The following STPG2 variants were observed in gnomAD, a reference collection of about 807,000 sequenced individuals.
The protein encoded by STPG2 is sperm tail PG-rich repeat containing 2.
Under a neutral mutation model 54.2 loss-of-function variants are expected in STPG2, and 56 were observed. The observed-to-expected ratio is 1.03, with a 90% CI of 0.83 to 1.29. The LOEUF (loss-of-function observed/expected upper bound fraction) is 1.29. Among genes scored for constraint, STPG2 ranks in the 50% most tolerant of loss-of-function variants. The pLI, the probability that STPG2 is intolerant of heterozygous loss-of-function variation, is 0.00. For missense variants in STPG2, 596 were observed against 544.9 expected (o/e 1.09, Z -0.93); for synonymous variants, 200 against 181.8 (o/e 1.10, Z -0.81).
chr4:97,818,858 T>C (rs966045898), intron 9 of STPG2, among the ~76,000 whole-genome samples: 1 of 150,856 alleles, frequency 6.6e-6, no homozygotes, highest in South Asian at 2.1e-4. Flanking sequence ...TAATTTTATC[T>C]ATAATATATG....
At chr4:97,467,806 G>A (rs1255383049) in intron 4 of STPG2, among the ~76,000 whole-genome samples, 1 of 150,586 alleles carries the variant, frequency 6.6e-6, no homozygotes, top group African/African-American at 2.4e-5. Flanking sequence ...CATAGTTTGA[G>A]TAAGAATATG....
chr4:97,731,202 A>C (rs1724783146), intron 9 of STPG2, among the ~76,000 whole-genome samples: 1 of 151,986 alleles, frequency 6.6e-6, no homozygotes, highest in African/African-American at 2.4e-5. Flanking sequence ...AATTCCCTTG[A>C]GGGTTTGACT....
chr4:97,607,065 C>A (rs896608887), intron 10 of STPG2, among the ~76,000 whole-genome samples: 3 of 151,838 alleles, frequency 2.0e-5, no homozygotes, highest in Non-Finnish European at 4.4e-5. Context: ...CAGAAAGAAA[C>A]CTTCAATAAA....
chr4:97,455,924 G>T (rs115873612), intron 4 of STPG2, among the ~76,000 whole-genome samples: 1 of 152,176 alleles, frequency 6.6e-6, no homozygotes. Flanking sequence ...GGGCACTGAA[G>T]AAGTGAGCCA....
At chr4:98,130,924 A>AAAAG (rs1739972527) in intron 2 of STPG2, among the ~76,000 whole-genome samples, 1 of 141,732 alleles carries the variant, frequency 7.1e-6, no homozygotes, top group Non-Finnish European at 1.5e-5. Context: ...TCCGTCTCAA[A>AAAAG]AAAAAAAAAA....
intron 5 of STPG2, among the ~76,000 whole-genome samples, chr4:98,018,625 G>C (rs549506648): frequency 9.9e-5 from 15 of 152,108 alleles, no homozygotes; most frequent in Non-Finnish European, 1.6e-4. Context: ...CTAGTTTATA[G>C]TCCCACCAAC....
chr4:97,451,672 G>C (rs1199119407), intron 4 of STPG2, among the ~76,000 whole-genome samples: 1 of 152,074 alleles, frequency 6.6e-6, no homozygotes, highest in Non-Finnish European at 1.5e-5. Context: ...GTGAAAAGGA[G>C]TGATCTATTC....
At chr4:97,612,661 T>C (rs777591837) in intron 10 of STPG2, among the ~76,000 whole-genome samples, 4 of 152,044 alleles carry the variant, frequency 2.6e-5, no homozygotes, top group Admixed American at 2.6e-4. Flanking sequence ...CTGGGGAATA[T>C]AGCCCAGGCG....
At chr4:97,845,407 T>G (rs565957822) in intron 8 of STPG2, among the ~76,000 whole-genome samples, 1 of 152,284 alleles carries the variant, frequency 6.6e-6, no homozygotes, top group South Asian at 2.1e-4. Context: ...TTCGATCTCT[T>G]AAGATAGAAT....
At chr4:98,025,986 CCAGAATGTTG>C (rs1464495893) in intron 5 of STPG2, 14 of 1,151,810 alleles carry the variant, frequency 1.2e-5, no homozygotes, top group South Asian at 6.4e-5. Flanking sequence ...ACATTGTGGG[CCAGAATGTTG>C]CAGAATGTTG....
At position 97,767,906 on chromosome 4, in the gene STPG2, G is replaced by A. The variant is rs1471859396; in HGVS notation, c.1205-55092C>T. On this transcript the variant is annotated intron_variant, in intron 9 of 10. Coordinates refer to ENST00000295268, the MANE Select transcript of STPG2 (RefSeq NM_174952.3). ...GAGTTGGCCAGGCACGATGGCTCAC[G>A]CCTGTAATCCCAGCACTTTGGGAGG... Among the ~76,000 whole-genome samples, 5 of 152,120 alleles carry A rather than the reference G, an allele frequency of 3.3e-5. No homozygotes were observed. In the South Asian group the frequency reaches 8.3e-4, roughly 25 times the overall value.
At position 97,694,812 on chromosome 4, in the gene STPG2, C is replaced by CAAAAAAAAAAAAAAAAA. The variant is rs70953083; in HGVS notation, c.1320+17870_1320+17886dup. Among the ~76,000 whole-genome samples the CAAAAAAAAAAAAAAAAA allele has an allele frequency of 9.1e-5, 4 of 44,032 alleles. 1 individual carries two copies. The highest frequency in any genetic ancestry group is 1.7e-4 in the Non-Finnish European group (4 of 23,454). 28.9% of individuals were successfully genotyped at this position (44,032 alleles called of 152,430 possible). A position where few individuals can be genotyped will look rare whatever the true frequency, so the allele number is the denominator to read the frequency against. ...TGGGTTACAGAGCAAGACTCTGTCA[C>CAAAAAAAAAAAAAAAAA]AAAAAAAAAAAAAAAAAAAAAAAAA... On this transcript the variant is annotated intron_variant, in intron 10 of 10. Coordinates refer to ENST00000295268, the MANE Select transcript of STPG2 (RefSeq NM_174952.3).
intron 1 of STPG2, among the ~76,000 whole-genome samples, chr4:98,142,329 T>C (rs1367135156): frequency 6.6e-6 from 1 of 152,142 alleles, no homozygotes; most frequent in Non-Finnish European, 1.5e-5. Flanking sequence ...AGAAAAACTA[T>C]CATTTGGACG....
chr4:97,875,616 C>G (rs1730146304), intron 8 of STPG2, among the ~76,000 whole-genome samples: 1 of 151,862 alleles, frequency 6.6e-6, no homozygotes, highest in Admixed American at 6.6e-5. Context: ...CTTATATCCC[C>G]AGTGCTAACA....
chr4:97,988,001 T>C (rs1397775749), intron 5 of STPG2, among the ~76,000 whole-genome samples: 2 of 148,478 alleles, frequency 1.3e-5, no homozygotes, highest in Non-Finnish European at 3.0e-5. Context: ...AGAACATAAG[T>C]CAAATCCTTA....
chr4:98,099,683 G>C (rs141692466), intron 5 of STPG2, among the ~76,000 whole-genome samples: 1 of 152,160 alleles, frequency 6.6e-6, no homozygotes, highest in South Asian at 2.1e-4. Flanking sequence ...CATTCTCTGT[G>C]ATGTGCTTAT....
In STPG2 at chr4:97,546,311, GA is replaced by G. The variant is rs1052418490; in HGVS notation, c.462+166387del. On this transcript the variant is annotated intron_variant, in intron 4 of 4. Coordinates refer to the STPG2 transcript ENST00000522676. Reference sequence around the variant, plus strand: ...TTCTAAAGGCCATTTTCTAATAATAGAAAAAAAAATCCAATTATATTAGAAA... The same window carrying G: ...TTCTAAAGGCCATTTTCTAATAATAGAAAAAAAATCCAATTATATTAGAAA... 3.0e-4 allele frequency among the ~76,000 whole-genome samples: 45 copies of G among 150,358 alleles called. No homozygotes were observed. In the East Asian group the frequency reaches 6.3e-3, roughly 21 times the overall value.
intron 8 of STPG2, among the ~76,000 whole-genome samples, chr4:97,923,057 T>C (rs567798984): frequency 3.9e-5 from 6 of 152,346 alleles, no homozygotes; most frequent in African/African-American, 1.4e-4. Flanking sequence ...GTACTTGTGT[T>C]GATAATAATA....
At chr4:97,738,771 T>C (rs551663304) in intron 9 of STPG2, among the ~76,000 whole-genome samples, 10 of 152,170 alleles carry the variant, frequency 6.6e-5, no homozygotes, top group Non-Finnish European at 1.2e-4. Flanking sequence ...TGGGAGACTT[T>C]AACACCCCAC....
Sources: gnomAD v4.1 joint callset for allele counts (sites outside exome capture counted in the v4.1 genomes callset) on GRCh38, gnomAD v4.1.1 for gene constraint, MANE v1.5 for transcripts, NCBI Gene and HGNC (gene_info 2026-07-23, HGNC 2026-07-21) for gene names.